The following GRIP1 variants were observed in gnomAD, a reference collection of about 807,000 sequenced individuals.
GRIP1 encodes the protein glutamate receptor interacting protein 1.
GRIP1 carries 45 observed loss-of-function variants against 129.9 expected under a neutral mutation model. The ratio of observed to expected loss-of-function variants is 0.35; its 90% CI spans 0.27 to 0.44. The LOEUF (loss-of-function observed/expected upper bound fraction) is 0.44, where lower values mean the gene tolerates loss of function less well. Ranked by LOEUF, GRIP1 falls within the 20% of genes least tolerant of loss-of-function variation. GRIP1 has a pLI of 1.00. For synonymous variants in GRIP1, 530 were observed against 520.8 expected (o/e 1.02, Z -0.24); for missense variants, 1,196 against 1,396.8 (o/e 0.86, Z 2.29).
chr12:66,804,371 C>T (rs766603732), upstream of GRIP1, among the ~76,000 whole-genome samples: 2 of 151,276 alleles, frequency 1.3e-5, no homozygotes, highest in African/African-American at 4.9e-5. Flanking sequence ...AAAATAATAG[C>T]GATATGGGTT....
chr12:66,924,700 G>C (rs1008149896), intron 1 of GRIP1, among the ~76,000 whole-genome samples: 2 of 152,208 alleles, frequency 1.3e-5, no homozygotes, highest in African/African-American at 4.8e-5. Context: ...AGGCACGGTG[G>C]CTCACGCCTG....
At chr12:66,559,699 C>T (rs1210024221) in intron 2 of GRIP1, among the ~76,000 whole-genome samples, 2 of 152,072 alleles carry the variant, frequency 1.3e-5, no homozygotes, top group East Asian at 3.8e-4. Context: ...AAAGATACTC[C>T]ATGTTCATGG....
intron 1 of GRIP1, among the ~76,000 whole-genome samples, chr12:66,965,355 A>AT (rs952803715): frequency 1.8e-4 from 27 of 152,232 alleles, no homozygotes; most frequent in Admixed American, 3.3e-4. Flanking sequence ...GTTTTAGGAC[A>AT]TTTTCTAAAA....
chr12:66,887,681 A>C (rs2040587890), intron 1 of GRIP1, among the ~76,000 whole-genome samples: 1 of 152,250 alleles, frequency 6.6e-6, no homozygotes, highest in South Asian at 2.1e-4. Context: ...TCTAAAATAC[A>C]AAATCTCTTA....
Position 66,572,378 on chromosome 12 carries a change from C to T in GRIP1, c.136+24469G>A, listed in dbSNP as rs142624518. Among the ~76,000 whole-genome samples the T allele has an allele frequency of 6.3e-4, 96 of 152,212 alleles. 1 individual carries two copies. The East Asian group carries it at 0.017, about 27-fold the overall frequency. ...TGGGTCCCTTTTCCTTAGGAAGAAA[C>T]AAACCTGTAAATTATAGTAAAGGTA... On this transcript the variant is annotated intron_variant, in intron 2 of 24. Coordinates refer to ENST00000359742, the MANE Select transcript of GRIP1 (RefSeq NM_001366722.1).
At chr12:66,526,116 T>C (rs1477681513) in intron 5 of GRIP1, among the ~76,000 whole-genome samples, 1 of 152,000 alleles carries the variant, frequency 6.6e-6, no homozygotes, top group Non-Finnish European at 1.5e-5. Context: ...AGGTAATTTA[T>C]AGATTCAATG....
chr12:66,778,814 T>C (rs931877300), intron 1 of GRIP1, among the ~76,000 whole-genome samples: 2 of 152,190 alleles, frequency 1.3e-5, no homozygotes, highest in Admixed American at 1.3e-4. Flanking sequence ...GTAAAAACTT[T>C]AGTAGACATA....
chr12:66,562,877 A>G (rs2062589479), intron 2 of GRIP1, among the ~76,000 whole-genome samples: 1 of 85,994 alleles, frequency 1.2e-5, no homozygotes, highest in Non-Finnish European at 2.3e-5. Flanking sequence ...ATGATATACT[A>G]TATTCTTATA....
At chr12:66,477,351 A>C (rs1217539760) in intron 7 of GRIP1, among the ~76,000 whole-genome samples, 3 of 152,006 alleles carry the variant, frequency 2.0e-5, no homozygotes, top group Admixed American at 2.0e-4. Context: ...AAGGAGAACT[A>C]CAAACCACTG....
chr12:66,392,925 A>C, intron 17 of GRIP1, 109 bp from the exon 18 acceptor site: 4 of 1,087,720 alleles, frequency 3.7e-6, no homozygotes, highest in Non-Finnish European at 5.7e-6. Context: ...CTTGGTAAGG[A>C]TCTCCAGAAG....
Position 66,835,826 on chromosome 12 carries a change from C to G in GRIP1, c.58+233224G>C, listed in dbSNP as rs373965977. 6.6e-5 allele frequency among the ~76,000 whole-genome samples: 10 copies of G among 152,170 alleles called. 1 individual carries two copies. Among genetic ancestry groups the G allele is most frequent in the African/African-American group, 2.2e-4 (9 of 41,430 alleles). On this transcript the variant is annotated intron_variant, in intron 1 of 1. Transcript: ENST00000643019. Reference sequence around the variant, plus strand: ...TACCCCATTGGTGCATACATGTCATCATACATTTACCCAAACCTACAGAAT... The same window carrying G: ...TACCCCATTGGTGCATACATGTCATGATACATTTACCCAAACCTACAGAAT...
At chr12:66,408,818 G>C (rs185570040) in intron 15 of GRIP1, among the ~76,000 whole-genome samples, 5 of 152,034 alleles carry the variant, frequency 3.3e-5, no homozygotes. Context: ...GAAGAGTCCC[G>C]GCCCTGGCAG....
intron 1 of GRIP1, among the ~76,000 whole-genome samples, chr12:66,838,909 T>C (rs12319096): frequency 0.16 from 24,572 of 152,060 alleles, 2,133 homozygotes; most frequent in East Asian, 0.37. Context: ...AACTTAGCGC[T>C]GAAAAAGACA....
intron 1 of GRIP1, among the ~76,000 whole-genome samples, chr12:66,954,201 C>A (rs1173555134): frequency 6.6e-6 from 1 of 152,162 alleles, no homozygotes; most frequent in African/African-American, 2.4e-5. Context: ...TCTGCTAATT[C>A]TTTTCCTCAT....
chr12:66,863,160 T>TAA (rs1389080884), intron 1 of GRIP1, among the ~76,000 whole-genome samples: 1 of 152,100 alleles, frequency 6.6e-6, no homozygotes, highest in Non-Finnish European at 1.5e-5. Flanking sequence ...CCAAATTACT[T>TAA]ACGATTCCCC....
chr12:66,965,675 TCA>T (rs1246014253), intron 1 of GRIP1, among the ~76,000 whole-genome samples: 2 of 151,348 alleles, frequency 1.3e-5, no homozygotes, highest in Non-Finnish European at 2.9e-5. Flanking sequence ...CCATGCATCA[TCA>T]GTGAGACCTA....
chr12:66,796,068 C>T (rs906157651), intron 1 of GRIP1, among the ~76,000 whole-genome samples: 23 of 152,052 alleles, frequency 1.5e-4, no homozygotes, highest in African/African-American at 5.6e-4. Context: ...ACCATCTTTT[C>T]ATACCCCCAA....
chr12:66,761,917 G>A (rs1316311375), intron 1 of GRIP1, among the ~76,000 whole-genome samples: 2 of 152,104 alleles, frequency 1.3e-5, no homozygotes, highest in African/African-American at 4.8e-5. Context: ...GGTGAGTCCT[G>A]GCTCTACCCC....
intron 1 of GRIP1, among the ~76,000 whole-genome samples, chr12:66,723,319 T>C (rs1276018862): frequency 1.2e-4 from 12 of 99,506 alleles, no homozygotes; most frequent in African/African-American, 3.7e-4. Flanking sequence ...TTTTTTTTTT[T>C]TTTTTTTTTT....
Sources: gnomAD v4.1 joint callset for allele counts (sites outside exome capture counted in the v4.1 genomes callset) on GRCh38, gnomAD v4.1.1 for gene constraint, MANE v1.5 for transcripts, NCBI Gene and HGNC (gene_info 2026-07-23, HGNC 2026-07-21) for gene names.